The following SCUBE1 variants were observed in gnomAD, a reference collection of about 807,000 sequenced individuals.
SCUBE1 encodes the protein signal peptide, CUB domain and EGF like domain containing 1.
SCUBE1 carries 59 observed loss-of-function variants against 124.4 expected under a neutral mutation model. That is an observed-to-expected ratio of 0.47 (90% CI 0.38 to 0.59). The LOEUF (loss-of-function observed/expected upper bound fraction) is 0.59. SCUBE1 is among the 20% of genes least tolerant of loss of function. The pLI is 0.00. For missense variants in SCUBE1, 1,150 were observed against 1,371.2 expected, an observed-to-expected ratio of 0.84 and a Z score of 2.55; for synonymous variants, 545 against 550.9, an observed-to-expected ratio of 0.99 and a Z score of 0.15.
intron 3 of SCUBE1, among the ~76,000 whole-genome samples, chr22:43,302,124 G>A (rs540984033): frequency 6.6e-6 from 1 of 152,224 alleles, no homozygotes; most frequent in Admixed American, 6.5e-5. Flanking sequence ...GTGCTCATCT[G>A]CCGCCTTAGC....
chr22:43,280,872 C>CCCT (rs1445798433), intron 4 of SCUBE1, among the ~76,000 whole-genome samples: 9 of 18,026 alleles, frequency 5.0e-4, no homozygotes, highest in African/African-American at 1.2e-3. Flanking sequence ...TCCTCAGTCA[C>CCCT]CCTGTCACCT....
In SCUBE1 at chr22:43,307,739, G is replaced by T. The variant is rs563320141; in HGVS notation, c.349+12198C>A. Among the ~76,000 whole-genome samples, 183 of 152,288 alleles carry T rather than the reference G, an allele frequency of 1.2e-3. 4 individuals carry two copies. The highest frequency in any genetic ancestry group is 4.6e-4 in the Non-Finnish European group (31 of 68,014). ...CAGCGTGAGGCCCCTGCATGATTCC[G>T]CTTCGGAAAAAAGATTTCTGCTGCT... is the stretch of plus-strand genomic sequence containing the variant. On this transcript the variant is annotated intron_variant, in intron 3 of 21. Coordinates refer to ENST00000360835, the MANE Select transcript of SCUBE1 (RefSeq NM_173050.5).
chr22:43,306,755 A>T (rs1297282242), intron 3 of SCUBE1, among the ~76,000 whole-genome samples: 2 of 152,132 alleles, frequency 1.3e-5, no homozygotes, highest in Admixed American at 1.3e-4. Flanking sequence ...AAGAAAACCG[A>T]GAGCAGAGAG....
intron 13 of SCUBE1, among the ~76,000 whole-genome samples, chr22:43,220,824 A>G (rs1922058713): frequency 6.6e-6 from 1 of 152,068 alleles, no homozygotes; most frequent in Non-Finnish European, 1.5e-5. Flanking sequence ...ATACATATTC[A>G]TGAATGAGGC....
chr22:43,300,279 A>C (rs1267893689), intron 3 of SCUBE1, among the ~76,000 whole-genome samples: 1 of 140,246 alleles, frequency 7.1e-6, no homozygotes, highest in African/African-American at 2.8e-5. Flanking sequence ...CCTCGCCAAC[A>C]CTTGTTCCTT....
intron 4 of SCUBE1, among the ~76,000 whole-genome samples, chr22:43,277,850 G>A (rs946988778): frequency 6.6e-6 from 1 of 152,258 alleles, no homozygotes; most frequent in Admixed American, 6.5e-5. Flanking sequence ...TAAAATATAT[G>A]AATGTTTGCC....
intron 15 of SCUBE1, 131 bp downstream of exon 15, chr22:43,218,124 C>A: frequency 1.2e-6 from 1 of 820,388 alleles, no homozygotes; most frequent in South Asian, 1.5e-5. Flanking sequence ...TCCTTCTCCC[C>A]GGCAGGCCTC....
chr22:43,201,554 G>C lies in SCUBE1; in HGVS notation c.*2443C>G, dbSNP rs1921013009. On this transcript the variant is annotated 3_prime_UTR_variant, in exon 22 of 22. Coordinates refer to ENST00000360835, the MANE Select transcript of SCUBE1 (RefSeq NM_173050.5). Reference sequence around the variant, plus strand: ...GGCCCCAATAGAAAAGAAGGAGGAGGAAGGGAGAATCCTCCCTTTGGGAGC... The same window carrying C: ...GGCCCCAATAGAAAAGAAGGAGGAGCAAGGGAGAATCCTCCCTTTGGGAGC... 6.6e-6 allele frequency: 1 copy of C among 151,684 alleles called. No homozygotes were observed. The highest frequency in any genetic ancestry group is 6.6e-5 in the Admixed American group (1 of 15,232). The allele number at this position is 151,684 out of a possible 1,614,324, so 9.4% of individuals were successfully genotyped here.
At chr22:43,320,915 T>C (rs940155741) in intron 2 of SCUBE1, among the ~76,000 whole-genome samples, 1 of 152,140 alleles carries the variant, frequency 6.6e-6, no homozygotes, top group Non-Finnish European at 1.5e-5. Flanking sequence ...CTGGCGTCCT[T>C]GGGAGGGCAC....
At chr22:43,248,436 C>T (rs547974546) in intron 6 of SCUBE1, among the ~76,000 whole-genome samples, 6 of 152,234 alleles carry the variant, frequency 3.9e-5, no homozygotes, top group Admixed American at 6.5e-5. Flanking sequence ...TCCAGCCCTC[C>T]GCACAGCGGA....
intron 4 of SCUBE1, among the ~76,000 whole-genome samples, chr22:43,275,482 G>A (rs929596467): frequency 6.6e-6 from 1 of 152,236 alleles, no homozygotes; most frequent in African/African-American, 2.4e-5. Context: ...TGTGAGACGT[G>A]AGAAACACAA....
At chr22:43,304,011 A>G (rs759492571) in intron 3 of SCUBE1, among the ~76,000 whole-genome samples, 10 of 152,108 alleles carry the variant, frequency 6.6e-5, no homozygotes, top group Non-Finnish European at 1.3e-4. Context: ...GCCCTCGTGC[A>G]GTTGTTAATA....
intron 4 of SCUBE1, among the ~76,000 whole-genome samples, chr22:43,265,664 C>T (rs1278319593): frequency 6.6e-6 from 1 of 152,242 alleles, no homozygotes; most frequent in East Asian, 1.9e-4. Flanking sequence ...GCTTCAGGAC[C>T]TCTTTACATT....
intron 21 of SCUBE1, among the ~76,000 whole-genome samples, chr22:43,206,996 C>A (rs116917780): frequency 5.9e-5 from 9 of 152,148 alleles, no homozygotes; most frequent in African/African-American, 2.2e-4. Flanking sequence ...CCCTTGTCCT[C>A]CACACCCCGG....
chr22:43,299,842 G>A (rs1925700952), intron 3 of SCUBE1, among the ~76,000 whole-genome samples: 1 of 152,108 alleles, frequency 6.6e-6, no homozygotes, highest in East Asian at 1.9e-4. Context: ...TCTATGGTTT[G>A]CCCATTCTGG....
chr22:43,323,495 C>T (rs904866557), intron 2 of SCUBE1, among the ~76,000 whole-genome samples: 1 of 152,044 alleles, frequency 6.6e-6, no homozygotes, highest in Non-Finnish European at 1.5e-5. Context: ...CAAATGTTCA[C>T]CCATACATCC....
rs573092571 is a variant in SCUBE1, at chr22:43,258,038, A to AG, written c.727+180dup. Among the ~76,000 whole-genome samples, 321 of 152,196 alleles carry AG rather than the reference A, an allele frequency of 2.1e-3. No individual in the cohort carries two copies. The highest frequency in any genetic ancestry group is 7.4e-3 in the African/African-American group (307 of 41,474). ...CTGCAGGCCCCAGAGAAGCCTCCCC[A>AG]GAAAGCCTCCCCAGGGGCGCCGGCC... On this transcript the variant is annotated intron_variant, in intron 6 of 21. Transcript: ENST00000360835. This position sits in a 1 kb window ranked among gnomAD's most constrained non-coding sequence, Gnocchi z 5.0.
chr22:43,319,100 A>T (rs1458749940), intron 3 of SCUBE1, among the ~76,000 whole-genome samples: 1 of 152,210 alleles, frequency 6.6e-6, no homozygotes, highest in East Asian at 1.9e-4. Flanking sequence ...CATGGGCCAA[A>T]TTGTGTCACT....
intron 6 of SCUBE1, among the ~76,000 whole-genome samples, chr22:43,250,341 C>A (rs975978015): frequency 2.0e-5 from 3 of 152,194 alleles, no homozygotes; most frequent in Non-Finnish European, 4.4e-5. Context: ...CTGGCACTGG[C>A]CTGGGGAAAA....
Sources: gnomAD v4.1 joint callset for allele counts (sites outside exome capture counted in the v4.1 genomes callset) on GRCh38, gnomAD v4.1.1 for gene constraint, Gnocchi (gnomAD v3.1) non-coding constraint, MANE v1.5 for transcripts, NCBI Gene and HGNC (gene_info 2026-07-23, HGNC 2026-07-21) for gene names.